The following UQCC6 variants were observed in gnomAD, a reference collection of about 807,000 sequenced individuals.
UQCC6 encodes the protein ubiquinol-cytochrome c reductase complex assembly factor 6.
the UQCC6 span, among the ~76,000 whole-genome samples, chr12:103,964,143 T>A: frequency 6.1e-5 from 1 of 16,292 alleles, no homozygotes; most frequent in Non-Finnish European, 1.4e-4. Context: ...TTTTTTTTTT[T>A]TTTTTTTTTT....
the UQCC6 span, among the ~76,000 whole-genome samples, chr12:103,961,772 G>GTGTT: frequency 0.14 from 20,913 of 152,004 alleles, 1,572 homozygotes; most frequent in Admixed American, 0.2. Context: ...GTTGCCCAGG[G>GTGTT]TGTTCTTGAA....
the UQCC6 span, chr12:103,954,792 T>G: frequency 1.7e-6 from 1 of 575,876 alleles, no homozygotes. Context: ...TTTTCACTTT[T>G]TACTCTACAT....
chr12:103,965,116 A>G, the UQCC6 span, among the ~76,000 whole-genome samples: 1 of 152,308 alleles, frequency 6.6e-6, no homozygotes, highest in East Asian at 1.9e-4. Flanking sequence ...AAACTAGAAA[A>G]ACCCAAAAGC....
At chr12:103,965,691 C>A in the UQCC6 span, 1 of 306,788 alleles carries the variant, frequency 3.3e-6, no homozygotes, top group Middle Eastern at 8.9e-4. Flanking sequence ...GCAGAGCGCT[C>A]CTAGTCCCCG....
the UQCC6 span, among the ~76,000 whole-genome samples, chr12:103,958,508 TAA>T: frequency 2.0e-5 from 3 of 152,174 alleles, no homozygotes; most frequent in African/African-American, 7.2e-5. Flanking sequence ...TCTGTCACTA[TAA>T]GTTAGTTTGC....
chr12:103,956,144 C>G, the UQCC6 span, among the ~76,000 whole-genome samples: 1 of 151,198 alleles, frequency 6.6e-6, no homozygotes, highest in Non-Finnish European at 1.5e-5. Context: ...TGGGAGCTAA[C>G]CCAAGGACCC....
the UQCC6 span, chr12:103,956,755 G>A: frequency 1.1e-5 from 17 of 1,502,392 alleles, no homozygotes; most frequent in Admixed American, 9.8e-5. Flanking sequence ...CAGGCTGGAC[G>A]GGGAAGGAAG....
At chr12:103,954,925 T>G in the UQCC6 span, 291 of 701,780 alleles carry the variant, frequency 4.1e-4, no homozygotes, top group Non-Finnish European at 5.9e-4. Flanking sequence ...CTAAGCTATG[T>G]GACTTTGAGA....
At chr12:103,951,058 A>G in the UQCC6 span, 26,710 of 152,354 alleles carry the variant, frequency 0.18, 3,108 homozygotes, top group African/African-American at 0.33. Flanking sequence ...TGAGGCGATG[A>G]TTTTGTATCC....
At chr12:103,951,605 C>T in the UQCC6 span, 21 of 1,542,894 alleles carry the variant, frequency 1.4e-5, no homozygotes, top group East Asian at 2.5e-5. Context: ...GAGTTCTCCA[C>T]GCTTTGGTGG....
At chr12:103,956,907 C>T in the UQCC6 span, 14 of 584,120 alleles carry the variant, frequency 2.4e-5, no homozygotes, top group South Asian at 2.7e-4. Flanking sequence ...CGGTTTCCTC[C>T]TTTACGAGCT....
the UQCC6 span, among the ~76,000 whole-genome samples, chr12:103,961,453 GACTC>G: frequency 6.6e-6 from 1 of 152,164 alleles, no homozygotes; most frequent in South Asian, 2.1e-4. Context: ...CGCACTCACT[GACTC>G]ACCCAGAGCA....
the UQCC6 span, among the ~76,000 whole-genome samples, chr12:103,958,846 C>A: frequency 6.6e-6 from 1 of 152,190 alleles, no homozygotes; most frequent in East Asian, 1.9e-4. Flanking sequence ...TATATATTAA[C>A]TCACTTTTTC....
chr12:103,953,562 GT>G, the UQCC6 span: 1 of 702,396 alleles, frequency 1.4e-6, no homozygotes, highest in Non-Finnish European at 2.6e-6. Context: ...GTTGACAACA[GT>G]GACAGTAATT....
chr12:103,958,759 C>T, the UQCC6 span, among the ~76,000 whole-genome samples: 1 of 151,928 alleles, frequency 6.6e-6, no homozygotes, highest in Admixed American at 6.5e-5. Context: ...ATGTTGGAAC[C>T]TAAAAAAAAC....
the UQCC6 span, chr12:103,953,511 C>T: frequency 2.0e-5 from 14 of 702,214 alleles, no homozygotes; most frequent in Non-Finnish European, 2.9e-5. Flanking sequence ...GTTCTCCGAC[C>T]GAAAGACTTG....
chr12:103,961,690 G>A, the UQCC6 span, among the ~76,000 whole-genome samples: 1 of 152,002 alleles, frequency 6.6e-6, no homozygotes, highest in Admixed American at 6.6e-5. Flanking sequence ...CCGAGTAGCT[G>A]GGACTACAGG....
the UQCC6 span, chr12:103,953,577 GGAGCAAAACCAAAA>G: frequency 1.4e-6 from 1 of 702,252 alleles, no homozygotes; most frequent in South Asian, 1.5e-5. Flanking sequence ...AGTAATTGCT[GGAGCAAAACCAAAA>G]GACATAGGTA....
At chr12:103,956,637 C>T in the UQCC6 span, 24 of 1,548,520 alleles carry the variant, frequency 1.5e-5, no homozygotes, top group Admixed American at 4.5e-4. Context: ...TCACCAGGTC[C>T]GGTCGGTAGT....
Sources: allele counts gnomAD v4.1 joint callset (sites outside exome capture counted in the v4.1 genomes callset), GRCh38; gene constraint gnomAD v4.1.1; transcripts MANE v1.5; gene names NCBI Gene and HGNC (gene_info 2026-07-23, HGNC 2026-07-21).